ASH1L: variants seen among roughly 807,000 people sequenced by gnomAD.
ASH1L encodes histone-lysine N-methyltransferase ASH1L.
A neutral mutation model predicts 269.0 loss-of-function variants in ASH1L; 23 were observed. That is an observed-to-expected ratio of 0.09 (90% CI 0.06 to 0.12). The LOEUF (loss-of-function observed/expected upper bound fraction) is 0.12, where lower values mean the gene tolerates loss of function less well. ASH1L is among the 10% of genes least tolerant of loss of function. The pLI is 1.00. For missense variants in ASH1L, 2,912 were observed against 3,567.8 expected (o/e 0.82, Z 4.68); for synonymous variants, 1,187 against 1,253.5 (o/e 0.95, Z 1.12).
chr1:155,550,500 C>T (rs1290750885), intron 1 of ASH1L, among the ~76,000 whole-genome samples: 1 of 152,132 alleles, frequency 6.6e-6, no homozygotes, highest in Non-Finnish European at 1.5e-5. Flanking sequence ...TCACTATTCC[C>T]CCCTTTACTG....
intron 4 of ASH1L, chr1:155,440,385 C>A (rs986403181): frequency 1.2e-5 from 2 of 167,838 alleles, no homozygotes; most frequent in African/African-American, 2.4e-5. Context: ...TCTTTAAAAT[C>A]CTGCCTACAC....
At chr1:155,382,289 GA>G (rs1657041606) in intron 7 of ASH1L, among the ~76,000 whole-genome samples, 1 of 151,564 alleles carries the variant, frequency 6.6e-6, no homozygotes. Context: ...ATGAGGTCAG[GA>G]GATCAAGACC....
At chr1:155,515,506 G>GT (rs369696362) in intron 2 of ASH1L, among the ~76,000 whole-genome samples, 27 of 152,196 alleles carry the variant, frequency 1.8e-4, no homozygotes, top group African/African-American at 6.5e-4. Context: ...ATAAAGATGT[G>GT]TTTGAGCCTA....
At chr1:155,467,765 C>T (rs1664794592) in intron 3 of ASH1L, among the ~76,000 whole-genome samples, 1 of 152,050 alleles carries the variant, frequency 6.6e-6, no homozygotes, top group African/African-American at 2.4e-5. Flanking sequence ...CCACTCAATA[C>T]AAATAGTAAA....
At position 155,478,349 on chromosome 1, in the gene ASH1L, G is replaced by T; in HGVS notation, c.4521C>A (p.Ser1507=). 1 of 1,614,096 alleles carries T rather than the reference G, an allele frequency of 6.2e-7. No individual in the cohort carries two copies. Among genetic ancestry groups the T allele is most frequent in the Non-Finnish European group, 8.5e-7 (1 of 1,180,028 alleles). Residue 1507 remains serine, a synonymous_variant, in exon 3 of 28, where the codon TCC becomes TCA. Transcript: ENST00000392403. This position sits in a 1 kb window ranked among gnomAD's most constrained non-coding sequence, Gnocchi z 4.6. ...GCTTCAAAGATTCCAGGACAGATCGGGAAGAGCCAGTGTCCATAGAAACCT... is the reference window on the plus strand; with the variant it reads ...GCTTCAAAGATTCCAGGACAGATCGTGAAGAGCCAGTGTCCATAGAAACCT... ...QPQVSMDTGS[S]RSVLESLKRY... is the part of the protein sequence containing the mutation.
At chr1:155,475,794 T>C (rs572269752) in intron 3 of ASH1L, among the ~76,000 whole-genome samples, 2 of 152,340 alleles carry the variant, frequency 1.3e-5, no homozygotes, top group South Asian at 2.1e-4. Context: ...GGTCTCAGTT[T>C]AGGATCACCT....
At chr1:155,490,259 C>T (rs1004061885) in intron 2 of ASH1L, among the ~76,000 whole-genome samples, 3 of 151,748 alleles carry the variant, frequency 2.0e-5, no homozygotes, top group Non-Finnish European at 2.9e-5. Context: ...CCACCATGCC[C>T]GGCCAAAAAA....
chr1:155,448,342 C>T (rs891315334), intron 4 of ASH1L, among the ~76,000 whole-genome samples: 1 of 150,616 alleles, frequency 6.6e-6, no homozygotes, highest in African/African-American at 2.5e-5. Context: ...TTTTTCTTTT[C>T]GTTTTGTTGT....
At chr1:155,433,055 GTCAGTGTTTTAA>G in intron 5 of ASH1L, 1 of 1,073,930 alleles carries the variant, frequency 9.3e-7, no homozygotes, top group Non-Finnish European at 1.3e-6. Context: ...CATCCTCCTT[GTCAGTGTTTTAA>G]AGCTTCAATA....
intron 6 of ASH1L, among the ~76,000 whole-genome samples, chr1:155,407,749 A>C (rs10158907): frequency 0.01 from 1,567 of 152,304 alleles, 30 homozygotes; most frequent in African/African-American, 0.036. Context: ...GACAGGAATT[A>C]TATATACTAC....
At chr1:155,477,865 G>A in intron 3 of ASH1L, 21 bp downstream of exon 3, 5 of 1,552,416 alleles carry the variant, frequency 3.2e-6, no homozygotes, top group Non-Finnish European at 4.4e-6. Flanking sequence ...CAAATAACAG[G>A]TAACAAAATA....
At chr1:155,539,963 G>C (rs985825698) in intron 1 of ASH1L, among the ~76,000 whole-genome samples, 2 of 152,074 alleles carry the variant, frequency 1.3e-5, no homozygotes, top group African/African-American at 4.8e-5. Flanking sequence ...CAGCTACTCA[G>C]GAAGCTGAGG....
At chr1:155,357,132 T>TAAAA (rs1558027299) in intron 15 of ASH1L, among the ~76,000 whole-genome samples, 184 bp downstream of exon 15, 1 of 6,648 alleles carries the variant, frequency 1.5e-4, no homozygotes, top group Non-Finnish European at 5.0e-4. Flanking sequence ...AGGGTAAGAC[T>TAAAA]TAAAAAAAAA....
At chr1:155,536,902 G>A (rs763553062) in intron 1 of ASH1L, among the ~76,000 whole-genome samples, 44 of 151,672 alleles carry the variant, frequency 2.9e-4, no homozygotes, top group Non-Finnish European at 4.4e-4. Context: ...AAAATTAGCC[G>A]GGCGTGGTGG....
intron 3 of ASH1L, among the ~76,000 whole-genome samples, chr1:155,473,193 G>A (rs1665238810): frequency 6.6e-6 from 1 of 152,164 alleles, no homozygotes; most frequent in Admixed American, 6.5e-5. Flanking sequence ...AATGAAGAAA[G>A]CCATAAGCAA....
intron 4 of ASH1L, among the ~76,000 whole-genome samples, chr1:155,459,266 G>A (rs1237311049): frequency 6.6e-6 from 1 of 151,668 alleles, no homozygotes; most frequent in Non-Finnish European, 1.5e-5. Flanking sequence ...AGTGATCTCC[G>A]CTCACTGCAA....
At position 155,338,239 on chromosome 1, in the gene ASH1L, T is replaced by C. The variant is rs1171309700; in HGVS notation, c.8653A>G (p.Thr2885Ala). ...TTTTCACCCTCACTGACGTTAGCAG[T>C]GGCCCCTTCCCGTTCTGGCTCCTCC... is the stretch of plus-strand genomic sequence containing the variant. ...SLEEPEREGA[T>A]ANVSEGEKKT... Residue 2885 changes from threonine (T) to alanine (A), a missense_variant, in exon 27 of 28, where the codon ACT (threonine) becomes GCT (alanine). Physicochemically the swap from Thr to Ala is moderately conservative, Grantham distance 58. Around this residue, in one of 13 missense-constraint regions of ASH1L, gnomAD observed 154 missense variants for 165.0 expected, o/e 0.93. Transcript: ENST00000392403. 3 of 1,613,944 alleles carry C rather than the reference T, an allele frequency of 1.9e-6. No individual in the cohort carries two copies. Among genetic ancestry groups the C allele is most frequent in the African/African-American group, 1.3e-5 (1 of 74,874 alleles).
chr1:155,365,372 A>ATTTTTTTTTT (rs142145021), intron 12 of ASH1L, among the ~76,000 whole-genome samples: 355 of 124,202 alleles, frequency 2.9e-3, no homozygotes, highest in African/African-American at 7.0e-3. Context: ...TGCCCGGCTG[A>ATTTTTTTTTT]TTTTTTTTTT....
At chr1:155,395,350 T>G (rs902901687) in intron 7 of ASH1L, 109 bp downstream of exon 7, 92 of 779,258 alleles carry the variant, frequency 1.2e-4, no homozygotes, top group Non-Finnish European at 1.6e-4. Context: ...AGAAAGAGCT[T>G]GATCCCACTG....
Sources: gnomAD v4.1 joint callset for allele counts (sites outside exome capture counted in the v4.1 genomes callset) on GRCh38, gnomAD v4.1.1 for gene constraint, gnomAD v4.1.1 regional missense constraint, Gnocchi (gnomAD v3.1) non-coding constraint, MANE v1.5 for transcripts, NCBI Gene and HGNC (gene_info 2026-07-23, HGNC 2026-07-21) for gene names.